Variants in CA10 observed in about 807,000 individuals in gnomAD.
CA10 encodes carbonic anhydrase 10 (inactive), also known as carbonic anhydrase-related protein 10.
Under a neutral mutation model 44.2 loss-of-function variants are expected in CA10, and 14 were observed. The observed-to-expected ratio is 0.32, with a 90% CI of 0.21 to 0.50. CA10 has a LOEUF of 0.50. Ranked by LOEUF, CA10 falls within the 20% of genes least tolerant of loss-of-function variation. The pLI, the probability that CA10 is intolerant of heterozygous loss-of-function variation, is 0.99. For missense variants in CA10, 350 were observed against 409.7 expected (o/e 0.85, Z 1.26); for synonymous variants, 159 against 141.6 (o/e 1.12, Z -0.87).
At chr17:51,869,564 A>G (rs915969505) in intron 3 of CA10, among the ~76,000 whole-genome samples, 15 of 152,206 alleles carry the variant, frequency 9.9e-5, no homozygotes, top group Non-Finnish European at 7.3e-5. Flanking sequence ...TTTAGAAGGC[A>G]GGTTTCAGAA....
intron 3 of CA10, among the ~76,000 whole-genome samples, chr17:51,822,431 A>AC (rs2099196104): frequency 6.6e-6 from 1 of 151,632 alleles, no homozygotes; most frequent in Non-Finnish European, 1.5e-5. Flanking sequence ...ACAAAACAAA[A>AC]ACAAAAACAA....
chr17:52,065,892 T>C (rs761942374), intron 2 of CA10, among the ~76,000 whole-genome samples: 2 of 152,178 alleles, frequency 1.3e-5, no homozygotes, highest in African/African-American at 2.4e-5. Flanking sequence ...TGGGACATAA[T>C]TGAATCATGT....
intron 4 of CA10, among the ~76,000 whole-genome samples, chr17:51,732,685 A>G (rs551908032): frequency 2.6e-4 from 40 of 152,290 alleles, no homozygotes; most frequent in Non-Finnish European, 5.3e-4. Context: ...TGGGTCAGAG[A>G]GGACATCAGA....
At chr17:52,134,965 C>T (rs1989321887) in intron 1 of CA10, 1 of 518,928 alleles carries the variant, frequency 1.9e-6, no homozygotes, top group Non-Finnish European at 3.8e-6. Context: ...CATTGCTCTC[C>T]ATGTGTGCCA....
intron 1 of CA10, among the ~76,000 whole-genome samples, chr17:52,137,082 G>A (rs1434479793): frequency 6.6e-6 from 1 of 151,702 alleles, no homozygotes; most frequent in African/African-American, 2.4e-5. Context: ...GAAGTTTACG[G>A]ATGTGGGGAT....
At chr17:51,666,847 G>C (rs1367044688) in intron 4 of CA10, among the ~76,000 whole-genome samples, 1 of 152,074 alleles carries the variant, frequency 6.6e-6, no homozygotes, top group East Asian at 1.9e-4. Context: ...TGAAAAATTG[G>C]GAAAAGCACC....
At chr17:52,007,343 T>C (rs1468277700) in intron 2 of CA10, among the ~76,000 whole-genome samples, 5 of 151,644 alleles carry the variant, frequency 3.3e-5, no homozygotes. Context: ...ATTTCTTACA[T>C]TTCATCCATA....
intron 4 of CA10, among the ~76,000 whole-genome samples, chr17:51,721,104 C>T (rs902184677): frequency 7.9e-5 from 12 of 152,014 alleles, no homozygotes; most frequent in South Asian, 4.2e-4. Flanking sequence ...CTGAGGTGGA[C>T]GGATCACCTA....
At chr17:51,760,240 G>T (rs16950471) in intron 3 of CA10, among the ~76,000 whole-genome samples, 26,273 of 152,204 alleles carry the variant, frequency 0.17, 2,565 homozygotes, top group East Asian at 0.26. Context: ...AGTAGAAATA[G>T]CAAATGTTTG....
At chr17:51,847,886 G>A (rs1457084294) in intron 3 of CA10, among the ~76,000 whole-genome samples, 2 of 152,186 alleles carry the variant, frequency 1.3e-5, no homozygotes, top group South Asian at 2.1e-4. Flanking sequence ...CACCCTATCT[G>A]TGAAACAGAG....
chr17:51,690,946 A>G (rs1366382992), intron 4 of CA10, among the ~76,000 whole-genome samples: 1 of 152,058 alleles, frequency 6.6e-6, no homozygotes, highest in Non-Finnish European at 1.5e-5. Context: ...TCCATTGTGT[A>G]TATCCACTAC....
intron 3 of CA10, among the ~76,000 whole-genome samples, chr17:51,755,694 G>A (rs1427198877): frequency 6.6e-6 from 1 of 152,214 alleles, no homozygotes; most frequent in Non-Finnish European, 1.5e-5. Context: ...AGGAAGGGTG[G>A]AGGACACCTA....
At chr17:51,768,460 TC>T (rs1215733880) in intron 3 of CA10, among the ~76,000 whole-genome samples, 5 of 152,190 alleles carry the variant, frequency 3.3e-5, no homozygotes, top group Non-Finnish European at 2.9e-5. Flanking sequence ...AGACATCAAA[TC>T]TTCTGATAAA....
At chr17:51,993,903 G>A (rs775023513) in intron 2 of CA10, among the ~76,000 whole-genome samples, 1 of 152,000 alleles carries the variant, frequency 6.6e-6, no homozygotes, top group Non-Finnish European at 1.5e-5. Context: ...AGTGCCAGAT[G>A]CTGTGATGGG....
chr17:51,754,447 A>ATATATATATG (rs1462140708), intron 3 of CA10, among the ~76,000 whole-genome samples: 1 of 117,288 alleles, frequency 8.5e-6, no homozygotes, highest in African/African-American at 3.2e-5. Flanking sequence ...ATATATATAT[A>ATATATATATG]TCACGTAAAA....
At chr17:51,834,164 T>C (rs900024872) in intron 3 of CA10, among the ~76,000 whole-genome samples, 3 of 152,226 alleles carry the variant, frequency 2.0e-5, no homozygotes, top group Non-Finnish European at 2.9e-5. Context: ...TAGAAATCTA[T>C]AGAGCACAAC....
At chr17:51,680,168 C>T (rs1914794558) in intron 4 of CA10, among the ~76,000 whole-genome samples, 1 of 152,098 alleles carries the variant, frequency 6.6e-6, no homozygotes, top group African/African-American at 2.4e-5. Context: ...AGATCATTTC[C>T]AGTTGTATTC....
intron 2 of CA10, among the ~76,000 whole-genome samples, chr17:51,961,976 C>G (rs1983910141): frequency 6.6e-6 from 1 of 152,146 alleles, no homozygotes; most frequent in South Asian, 2.1e-4. Context: ...GATCTCCAGG[C>G]AGTCAAAGCA....
At position 51,930,413 on chromosome 17, in the gene CA10, G is replaced by A. The variant is rs202186791; in HGVS notation, c.279+577C>T. Among the ~76,000 whole-genome samples, 4 of 152,218 alleles carry A rather than the reference G, an allele frequency of 2.6e-5. No homozygotes were observed. The East Asian group carries it at 5.8e-4, about 22-fold the overall frequency. ...CCTTCCACAAATTAAAGAGGAGCTCGTTATGGGGGGAGGAGAGTGAAGGAG... is the reference window on the plus strand; with the variant it reads ...CCTTCCACAAATTAAAGAGGAGCTCATTATGGGGGGAGGAGAGTGAAGGAG... On this transcript the variant is annotated intron_variant, in intron 3 of 8. Coordinates refer to ENST00000451037, the MANE Select transcript of CA10 (RefSeq NM_020178.5).
Sources: allele counts gnomAD v4.1 joint callset (sites outside exome capture counted in the v4.1 genomes callset), GRCh38; gene constraint gnomAD v4.1.1; transcripts MANE v1.5; gene names NCBI Gene and HGNC (gene_info 2026-07-23, HGNC 2026-07-21).